The following APBB2 variants were observed in gnomAD, a reference collection of about 807,000 sequenced individuals.
APBB2 encodes amyloid beta precursor protein binding family B member 2, also known as Fe65-like 1.
Under a neutral mutation model 82.5 loss-of-function variants are expected in APBB2, and 38 were observed. The ratio of observed to expected loss-of-function variants is 0.46; its 90% confidence interval spans 0.36 to 0.60. The LOEUF is 0.60. Among genes scored for constraint, APBB2 ranks in the 20% least tolerant of loss-of-function variants. APBB2 has a pLI of 0.00. For missense variants in APBB2, 772 were observed against 972.3 expected, an observed-to-expected ratio of 0.79 and a Z score of 2.74; for synonymous variants, 341 against 368.2, an observed-to-expected ratio of 0.93 and a Z score of 0.85.
intron 5 of APBB2, 45 bp from the exon 6 acceptor site, chr4:41,014,443 C>T (rs1443248364): frequency 1.3e-6 from 2 of 1,527,622 alleles, no homozygotes; most frequent in Non-Finnish European, 1.8e-6. Context: ...GATTAAACTA[C>T]TTAGTATACA....
At chr4:41,017,014 A>G (rs570258857) in intron 5 of APBB2, among the ~76,000 whole-genome samples, 5 of 152,074 alleles carry the variant, frequency 3.3e-5, no homozygotes, top group Non-Finnish European at 7.4e-5. Flanking sequence ...TTCCTACCTC[A>G]GCCTCCTAAG....
intron 1 of APBB2, among the ~76,000 whole-genome samples, chr4:41,151,773 C>CTT (rs1005186186): frequency 7.3e-6 from 1 of 137,794 alleles, no homozygotes; most frequent in Admixed American, 7.3e-5. Flanking sequence ...ACATGGTCTT[C>CTT]TTTTTTTTTT....
At chr4:41,015,336 G>T (rs1809602791) in intron 5 of APBB2, among the ~76,000 whole-genome samples, 1 of 152,216 alleles carries the variant, frequency 6.6e-6, no homozygotes, top group Admixed American at 6.5e-5. Flanking sequence ...TAAGGTTTCA[G>T]ATTTCTCAAT....
intron 2 of APBB2, among the ~76,000 whole-genome samples, chr4:41,123,833 C>CA (rs924877865): frequency 3.3e-5 from 5 of 151,204 alleles, no homozygotes; most frequent in East Asian, 1.9e-4. Context: ...AAAAAAAAAC[C>CA]AAAAAACAAA....
intron 12 of APBB2, chr4:40,881,527 TCTTTTTC>T: frequency 4.7e-6 from 1 of 212,730 alleles, no homozygotes; most frequent in Non-Finnish European, 6.7e-6. Flanking sequence ...TCTTTTCTTT[TCTTTTTC>T]TTTTTTTTTT....
intron 2 of APBB2, among the ~76,000 whole-genome samples, chr4:41,135,869 C>T (rs1373085860): frequency 6.6e-6 from 1 of 152,148 alleles, no homozygotes; most frequent in Non-Finnish European, 1.5e-5. Context: ...CTGGGTCTTG[C>T]TATGTTGCCC....
intron 1 of APBB2, among the ~76,000 whole-genome samples, chr4:41,181,053 T>C (rs548174714): frequency 5.3e-5 from 8 of 152,318 alleles, no homozygotes; most frequent in African/African-American, 1.7e-4. Context: ...TCCCATCAAT[T>C]ACATTTAAAA....
chr4:41,179,392 A>G (rs958212239), intron 1 of APBB2, among the ~76,000 whole-genome samples: 11 of 152,328 alleles, frequency 7.2e-5, no homozygotes, highest in Non-Finnish European at 1.3e-4. Context: ...TATAGATTCA[A>G]TTCATCTACC....
At chr4:40,894,341 T>C (rs2154353426) in intron 10 of APBB2, among the ~76,000 whole-genome samples, 1 of 146,428 alleles carries the variant, frequency 6.8e-6, no homozygotes, top group Middle Eastern at 3.5e-3. Flanking sequence ...GGCTAATGGA[T>C]ACAAAAATTT....
At chr4:41,030,659 C>A (rs17442687) in intron 5 of APBB2, among the ~76,000 whole-genome samples, 7 of 151,848 alleles carry the variant, frequency 4.6e-5, no homozygotes, top group African/African-American at 1.5e-4. Flanking sequence ...TCTAGACTTA[C>A]GGGCAAGCCT....
chr4:40,914,404 C>G (rs11731828), intron 10 of APBB2, among the ~76,000 whole-genome samples: 1 of 151,720 alleles, frequency 6.6e-6, no homozygotes, highest in African/African-American at 2.4e-5. Context: ...AAATAAAAAT[C>G]ATCCGGGTGC....
intron 3 of APBB2, among the ~76,000 whole-genome samples, chr4:41,082,447 T>C (rs1737986920): frequency 6.6e-6 from 1 of 152,204 alleles, no homozygotes; most frequent in African/African-American, 2.4e-5. Flanking sequence ...GATATATAGC[T>C]GAGTGAAAGA....
At chr4:40,920,407 T>C (rs1237016573) in intron 10 of APBB2, among the ~76,000 whole-genome samples, 3 of 152,192 alleles carry the variant, frequency 2.0e-5, no homozygotes, top group Admixed American at 6.5e-5. Context: ...AACAGACTAA[T>C]AACACACAAA....
At chr4:40,934,924 G>GC (rs1220551166) in intron 8 of APBB2, 153 bp downstream of exon 8, 1 of 717,052 alleles carries the variant, frequency 1.4e-6, no homozygotes, top group African/African-American at 1.8e-5. Flanking sequence ...CCAAAAAAAG[G>GC]CAACAGGAGT....
At chr4:41,166,531 T>C (rs999968615) in intron 1 of APBB2, among the ~76,000 whole-genome samples, 4 of 150,622 alleles carry the variant, frequency 2.7e-5, no homozygotes, top group Non-Finnish European at 4.4e-5. Context: ...TGAGCCAAGA[T>C]TGCACCACTG....
chr4:41,176,365 AT>A (rs113468337), intron 1 of APBB2, among the ~76,000 whole-genome samples: 8 of 151,282 alleles, frequency 5.3e-5, no homozygotes, highest in East Asian at 3.9e-4. Context: ...TAAAGAATGT[AT>A]TTTTTTTTAG....
intron 1 of APBB2, among the ~76,000 whole-genome samples, chr4:41,166,413 C>CA (rs1224127911): frequency 1.3e-5 from 2 of 151,200 alleles, no homozygotes; most frequent in African/African-American, 4.9e-5. Flanking sequence ...CTCATCTCTA[C>CA]AAAAAAATCA....
chr4:40,890,206 G>T, intron 12 of APBB2, 158 bp downstream of exon 12: 1 of 970,384 alleles, frequency 1.0e-6, no homozygotes, highest in Non-Finnish European at 1.4e-6. Context: ...AAGTCTTTAA[G>T]AGGCAGGGAA....
At chr4:40,838,620 C>T (rs886904773) in intron 12 of APBB2, among the ~76,000 whole-genome samples, 1 of 152,146 alleles carries the variant, frequency 6.6e-6, no homozygotes, top group Non-Finnish European at 1.5e-5. Context: ...CAGGCGTGAG[C>T]CACGCGCCTT....
Sources: gnomAD v4.1 joint callset for allele counts (sites outside exome capture counted in the v4.1 genomes callset) on GRCh38, gnomAD v4.1.1 for gene constraint, MANE v1.5 for transcripts, NCBI Gene and HGNC (gene_info 2026-07-23, HGNC 2026-07-21) for gene names.